Variants in ATP2B2 observed in about 807,000 individuals in gnomAD.
ATP2B2 encodes the protein plasma membrane calcium-transporting ATPase 2.
ATP2B2 carries 15 observed loss-of-function variants against 120.0 expected under a neutral mutation model. The observed-to-expected ratio is 0.12, with a 90% CI of 0.08 to 0.19. The LOEUF (loss-of-function observed/expected upper bound fraction) is 0.19, where lower values mean the gene tolerates loss of function less well. ATP2B2 is among the 10% of genes least tolerant of loss of function. The probability of loss-of-function intolerance (pLI) is 1.00; values close to 1 mark genes in which losing one functional copy is unlikely to be tolerated. For missense variants in ATP2B2, 1,045 were observed against 1,719.8 expected (o/e 0.61, Z 6.94); for synonymous variants, 694 against 700.3 (o/e 0.99, Z 0.14).
intron 1 of ATP2B2, among the ~76,000 whole-genome samples, chr3:10,471,078 G>A (rs1278075267): frequency 6.6e-6 from 1 of 152,186 alleles, no homozygotes; most frequent in African/African-American, 2.4e-5. Flanking sequence ...CTGCTGAATG[G>A]GCCCAATAAC....
chr3:10,603,233 G>C (rs1240815188), intron 2 of ATP2B2, among the ~76,000 whole-genome samples: 3 of 152,218 alleles, frequency 2.0e-5, no homozygotes, highest in African/African-American at 7.2e-5. Flanking sequence ...CCCTGGGGTA[G>C]AGGCCTAAAT....
At chr3:10,470,265 T>A (rs913331247) in intron 1 of ATP2B2, among the ~76,000 whole-genome samples, 3 of 152,260 alleles carry the variant, frequency 2.0e-5, no homozygotes, top group African/African-American at 7.2e-5. Flanking sequence ...CTGTTGCCCA[T>A]CTCACCCTCA....
At chr3:10,607,387 T>G (rs1470956012) in intron 2 of ATP2B2, among the ~76,000 whole-genome samples, 1 of 152,184 alleles carries the variant, frequency 6.6e-6, no homozygotes, top group Non-Finnish European at 1.5e-5. Flanking sequence ...CATTGCTCCC[T>G]GACATTTCCA....
Position 10,557,122 on chromosome 3 carries a change from G to A in ATP2B2, c.-414-22989C>T, listed in dbSNP as rs542911996. On this transcript the variant is annotated intron_variant, in intron 2 of 21. Transcript: ENST00000646379. ...TCTCCTGGCTAGGTGTTTCTAATTG[G>A]CATCTCTGGCCTCCCAGCCTTGGTC... 6.6e-5 allele frequency among the ~76,000 whole-genome samples: 10 copies of A among 152,294 alleles called. No individual in the cohort carries two copies. The South Asian group carries it at 1.7e-3, about 25-fold the overall frequency.
intron 2 of ATP2B2, among the ~76,000 whole-genome samples, chr3:10,540,222 G>A (rs568749139): frequency 6.6e-6 from 1 of 152,152 alleles, no homozygotes; most frequent in Non-Finnish European, 1.5e-5. Context: ...GGAAACAACA[G>A]GTGCTGGAGA....
intron 2 of ATP2B2, among the ~76,000 whole-genome samples, chr3:10,595,857 G>T (rs2068752566): frequency 6.6e-6 from 1 of 152,054 alleles, no homozygotes; most frequent in South Asian, 2.1e-4. Flanking sequence ...TATGTGAACT[G>T]ACCCCTGCCC....
chr3:10,660,506 G>A (rs571118396), intron 1 of ATP2B2, among the ~76,000 whole-genome samples: 1 of 152,122 alleles, frequency 6.6e-6, no homozygotes, highest in Non-Finnish European at 1.5e-5. Flanking sequence ...AGAAGAAATG[G>A]ATAAATTCCT....
intron 1 of ATP2B2, among the ~76,000 whole-genome samples, chr3:10,658,835 A>G (rs2070707117): frequency 6.6e-6 from 1 of 151,980 alleles, no homozygotes; most frequent in South Asian, 2.1e-4. Flanking sequence ...TGTTAAGGGC[A>G]GCCAGAGAGA....
intron 10 of ATP2B2, among the ~76,000 whole-genome samples, chr3:10,377,221 G>C (rs1368956545): frequency 6.6e-6 from 1 of 152,120 alleles, no homozygotes; most frequent in East Asian, 1.9e-4. Context: ...CGGTGGCGAT[G>C]GCGGTATAGA....
At chr3:10,467,120 T>C in intron 1 of ATP2B2, among the ~76,000 whole-genome samples, 1 of 152,234 alleles carries the variant, frequency 6.6e-6, no homozygotes, top group East Asian at 1.9e-4. Flanking sequence ...TGACACTGGA[T>C]TGGAGCCCAG....
chr3:10,411,237 G>A (rs1575151942), intron 2 of ATP2B2, among the ~76,000 whole-genome samples: 1 of 152,186 alleles, frequency 6.6e-6, no homozygotes, highest in South Asian at 2.1e-4. Context: ...GAGTGATGCA[G>A]CCATAAGCCA....
intron 1 of ATP2B2, among the ~76,000 whole-genome samples, chr3:10,641,429 C>A (rs4577449): frequency 0.33 from 49,984 of 152,000 alleles, 12,793 homozygotes; most frequent in African/African-American, 0.71. Flanking sequence ...AGGGTGGCCC[C>A]GTATATGAGG....
upstream of ATP2B2, among the ~76,000 whole-genome samples, chr3:10,510,441 C>T (rs1441065025): frequency 2.6e-5 from 4 of 152,248 alleles, no homozygotes; most frequent in South Asian, 4.1e-4. Context: ...GGCCCTGTGG[C>T]GAGCCCAGAA....
chr3:10,408,482 TG>T (rs1279502761), intron 3 of ATP2B2, among the ~76,000 whole-genome samples: 1 of 152,128 alleles, frequency 6.6e-6, no homozygotes, highest in Non-Finnish European at 1.5e-5. Context: ...GGAGTTAGGA[TG>T]GTCACAAAGC....
chr3:10,482,003 G>A (rs916791684), intron 1 of ATP2B2, among the ~76,000 whole-genome samples: 1 of 152,204 alleles, frequency 6.6e-6, no homozygotes, highest in African/African-American at 2.4e-5. Flanking sequence ...ACTGAGGGGT[G>A]TCCTGGGATG....
chr3:10,508,453 C>T (rs753883578), upstream of ATP2B2, among the ~76,000 whole-genome samples: 4 of 152,220 alleles, frequency 2.6e-5, no homozygotes, highest in Non-Finnish European at 5.9e-5. Context: ...TCCAGCATTC[C>T]AGGTCTCAGG....
chr3:10,670,211 T>C (rs1336399282), intron 1 of ATP2B2, among the ~76,000 whole-genome samples: 4 of 152,216 alleles, frequency 2.6e-5, no homozygotes, highest in Non-Finnish European at 5.9e-5. Flanking sequence ...TGGGCTGAAC[T>C]AGCCTTCGCT....
intron 3 of ATP2B2, among the ~76,000 whole-genome samples, chr3:10,533,252 T>C (rs1364544689): frequency 6.6e-6 from 1 of 152,204 alleles, no homozygotes; most frequent in East Asian, 1.9e-4. Context: ...ATATGCTGGC[T>C]CTGGAAGGTT....
At chr3:10,509,052 A>G (rs1482684555), upstream of ATP2B2, among the ~76,000 whole-genome samples, 1 of 152,228 alleles carries the variant, frequency 6.6e-6, no homozygotes, top group Non-Finnish European at 1.5e-5. Flanking sequence ...GCTGAGACAC[A>G]GGGTGAGTGA....
Sources: gnomAD v4.1 joint callset for allele counts (sites outside exome capture counted in the v4.1 genomes callset) on GRCh38, gnomAD v4.1.1 for gene constraint, MANE v1.5 for transcripts, NCBI Gene and HGNC (gene_info 2026-07-23, HGNC 2026-07-21) for gene names.